KCNH5: variants seen among roughly 807,000 people sequenced by gnomAD.
The protein encoded by KCNH5 is potassium voltage-gated channel subfamily H member 5.
KCNH5 carries 46 observed loss-of-function variants against 96.1 expected under a neutral mutation model. The observed-to-expected ratio is 0.48, with a 90% CI of 0.38 to 0.61. The LOEUF (loss-of-function observed/expected upper bound fraction) is 0.61, where lower values mean the gene tolerates loss of function less well. KCNH5 is among the 20% of genes least tolerant of loss of function. The pLI is 0.00. For missense variants in KCNH5, 907 were observed against 1,225.8 expected (o/e 0.74, Z 3.88); for synonymous variants, 439 against 449.8 (o/e 0.98, Z 0.30).
At chr14:62,855,654 C>T (rs1566683623) in intron 7 of KCNH5, among the ~76,000 whole-genome samples, 1 of 152,062 alleles carries the variant, frequency 6.6e-6, no homozygotes, top group East Asian at 1.9e-4. Flanking sequence ...CTTTATGACA[C>T]ACATCACAGC....
chr14:62,999,196 T>C (rs1890965597), intron 4 of KCNH5, among the ~76,000 whole-genome samples: 1 of 152,180 alleles, frequency 6.6e-6, no homozygotes, highest in South Asian at 2.1e-4. Context: ...CTCCAGCACC[T>C]GTTGTTTCCT....
chr14:62,842,928 C>T (rs571271914), intron 8 of KCNH5, among the ~76,000 whole-genome samples: 1 of 152,142 alleles, frequency 6.6e-6, no homozygotes, highest in Non-Finnish European at 1.5e-5. Flanking sequence ...AATAGTACTC[C>T]AAATCATTCA....
intron 5 of KCNH5, among the ~76,000 whole-genome samples, chr14:62,984,902 T>C (rs1027359550): frequency 2.6e-5 from 4 of 152,176 alleles, no homozygotes; most frequent in East Asian, 1.9e-4. Context: ...AGGGAGAAGA[T>C]TGTCTTCTCT....
chr14:62,848,869 T>A (rs1260808322), intron 8 of KCNH5, among the ~76,000 whole-genome samples: 1 of 152,176 alleles, frequency 6.6e-6, no homozygotes, highest in Non-Finnish European at 1.5e-5. Flanking sequence ...TCCAATGATG[T>A]TTATAAAGTA....
At chr14:62,978,074 TC>T (rs1890535085) in intron 6 of KCNH5, among the ~76,000 whole-genome samples, 1 of 152,090 alleles carries the variant, frequency 6.6e-6, no homozygotes, top group Non-Finnish European at 1.5e-5. Flanking sequence ...CTGCAGGAGA[TC>T]AGAAAAGGCA....
chr14:62,999,203 T>C (rs1890965705), intron 4 of KCNH5, among the ~76,000 whole-genome samples: 3 of 152,154 alleles, frequency 2.0e-5, no homozygotes, highest in African/African-American at 7.2e-5. Flanking sequence ...ACCTGTTGTT[T>C]CCTGACTTTT....
At chr14:63,044,281 A>C (rs1417787046) in intron 1 of KCNH5, among the ~76,000 whole-genome samples, 1 of 152,216 alleles carries the variant, frequency 6.6e-6, no homozygotes, top group Non-Finnish European at 1.5e-5. Flanking sequence ...AAAATGTGGA[A>C]ATATATAACC....
chr14:62,887,924 T>C (rs550890464), intron 7 of KCNH5, among the ~76,000 whole-genome samples: 56 of 152,276 alleles, frequency 3.7e-4, no homozygotes, highest in African/African-American at 1.2e-3. Flanking sequence ...CCTGCTAGGG[T>C]CCAGTTCTTA....
chr14:62,935,753 G>A (rs958360232), intron 7 of KCNH5, among the ~76,000 whole-genome samples: 1 of 152,164 alleles, frequency 6.6e-6, no homozygotes, highest in East Asian at 1.9e-4. Flanking sequence ...CAGAGATGAG[G>A]AACTTACATC....
At chr14:62,974,922 G>A (rs1890473196) in intron 6 of KCNH5, among the ~76,000 whole-genome samples, 1 of 152,174 alleles carries the variant, frequency 6.6e-6, no homozygotes, top group African/African-American at 2.4e-5. Flanking sequence ...TAATCCAGCT[G>A]AGGAAACAAA....
intron 6 of KCNH5, among the ~76,000 whole-genome samples, chr14:62,969,801 C>T (rs1417763402): frequency 4.5e-5 from 6 of 134,072 alleles, no homozygotes; most frequent in Non-Finnish European, 9.2e-5. Context: ...GTGGCTCATG[C>T]CTGGAATCCC....
chr14:62,919,182 C>T (rs186744851), intron 7 of KCNH5, among the ~76,000 whole-genome samples: 120 of 152,154 alleles, frequency 7.9e-4, no homozygotes, highest in Non-Finnish European at 1.4e-3. Flanking sequence ...AAAGTATATT[C>T]ACTCAAATGC....
At chr14:62,712,587 G>A (rs1884594062) in intron 10 of KCNH5, 6 of 721,814 alleles carry the variant, frequency 8.3e-6, no homozygotes, top group African/African-American at 3.5e-5. Context: ...TGCTCCTCAA[G>A]GTAACTTTTA....
At chr14:62,877,180 T>C (rs182335343) in intron 7 of KCNH5, among the ~76,000 whole-genome samples, 3,930 of 151,986 alleles carry the variant, frequency 0.026, 79 homozygotes, top group East Asian at 0.08. Context: ...TTACACCTTA[T>C]ACAAAAATTA....
chr14:63,045,080 A>G, intron 1 of KCNH5, 34 bp downstream of exon 1: 2 of 1,526,996 alleles, frequency 1.3e-6, no homozygotes, highest in Non-Finnish European at 9.1e-7. Flanking sequence ...GGCGGGATGG[A>G]GGTGGGGGTG....
chr14:62,880,806 T>G (rs1219049217), intron 7 of KCNH5, among the ~76,000 whole-genome samples: 4 of 152,214 alleles, frequency 2.6e-5, no homozygotes, highest in African/African-American at 9.6e-5. Flanking sequence ...AAATTTAGTA[T>G]AGTATTTATT....
At chr14:62,919,705 T>C (rs1438735511) in intron 7 of KCNH5, among the ~76,000 whole-genome samples, 1 of 152,160 alleles carries the variant, frequency 6.6e-6, no homozygotes, top group African/African-American at 2.4e-5. Flanking sequence ...TGCCGTTCAT[T>C]GTAAAATGAA....
At chr14:62,860,411 C>A (rs188393935) in intron 7 of KCNH5, among the ~76,000 whole-genome samples, 88 of 152,312 alleles carry the variant, frequency 5.8e-4, no homozygotes, top group African/African-American at 2.0e-3. Flanking sequence ...AATTAGTACA[C>A]TTGCCTTGCT....
At chr14:62,785,028 A>C (rs1409341394) in intron 9 of KCNH5, among the ~76,000 whole-genome samples, 1 of 152,230 alleles carries the variant, frequency 6.6e-6, no homozygotes, top group Non-Finnish European at 1.5e-5. Flanking sequence ...TTGTGTAATA[A>C]GCAATACTAA....
Sources: allele counts gnomAD v4.1 joint callset (sites outside exome capture counted in the v4.1 genomes callset), GRCh38; gene constraint gnomAD v4.1.1; transcripts MANE v1.5; gene names NCBI Gene and HGNC (gene_info 2026-07-23, HGNC 2026-07-21).